Variants in RIMS1 observed in about 807,000 individuals in gnomAD.
RIMS1 encodes the protein regulating synaptic membrane exocytosis 1, also known as regulating synaptic membrane exocytosis protein 1.
RIMS1 carries 83 observed loss-of-function variants against 214.1 expected under a neutral mutation model. The observed-to-expected ratio is 0.39, with a 90% CI of 0.32 to 0.47. The LOEUF (loss-of-function observed/expected upper bound fraction) is 0.47, where lower values mean the gene tolerates loss of function less well. Among genes scored for constraint, RIMS1 ranks in the 20% least tolerant of loss-of-function variants. The pLI is 0.99. For synonymous variants in RIMS1, 793 were observed against 786.8 expected (o/e 1.01, Z -0.13); for missense variants, 2,050 against 2,161.8 (o/e 0.95, Z 1.03).
chr6:71,915,683 C>T (rs1331141709), intron 1 of RIMS1, among the ~76,000 whole-genome samples: 3 of 152,074 alleles, frequency 2.0e-5, no homozygotes, highest in Admixed American at 6.6e-5. Context: ...ATTTATAACT[C>T]ATGTTATATA....
chr6:71,903,502 T>A (rs1774349463), intron 1 of RIMS1, among the ~76,000 whole-genome samples: 1 of 152,112 alleles, frequency 6.6e-6, no homozygotes, highest in Non-Finnish European at 1.5e-5. Flanking sequence ...AATTGACAAG[T>A]GGGATCTAAT....
At chr6:72,169,930 G>A (rs2046794259) in intron 4 of RIMS1, among the ~76,000 whole-genome samples, 1 of 152,018 alleles carries the variant, frequency 6.6e-6, no homozygotes, top group South Asian at 2.1e-4. Flanking sequence ...ACATATGTGA[G>A]ATGACTTCTC....
chr6:71,984,458 AACCAC>A (rs1187972071), intron 2 of RIMS1, among the ~76,000 whole-genome samples: 1 of 151,870 alleles, frequency 6.6e-6, no homozygotes, highest in East Asian at 2.0e-4. Context: ...AAAATGTAGA[AACCAC>A]AGTGTTACTA....
intron 4 of RIMS1, among the ~76,000 whole-genome samples, chr6:72,170,623 T>G (rs1347596434): frequency 1.1e-4 from 17 of 152,132 alleles, no homozygotes; most frequent in Admixed American, 6.6e-4. Context: ...GATGAGCCAC[T>G]GCACCCAGCC....
At chr6:72,280,205 A>G (rs2089371141) in intron 23 of RIMS1, among the ~76,000 whole-genome samples, 1 of 152,010 alleles carries the variant, frequency 6.6e-6, no homozygotes, top group South Asian at 2.1e-4. Context: ...ACCATATGCT[A>G]GGTGTTGATA....
intron 6 of RIMS1, among the ~76,000 whole-genome samples, chr6:72,186,700 A>C (rs975631549): frequency 3.3e-5 from 5 of 152,114 alleles, no homozygotes; most frequent in Non-Finnish European, 7.3e-5. Flanking sequence ...CAAATTGCAT[A>C]ATAAATTATA....
intron 22 of RIMS1, among the ~76,000 whole-genome samples, chr6:72,267,401 A>G (rs2081089077): frequency 6.6e-6 from 1 of 152,172 alleles, no homozygotes; most frequent in South Asian, 2.1e-4. Flanking sequence ...TACCCATATC[A>G]GTGCCATCTG....
rs889544644 is a variant in RIMS1, at chr6:72,402,413, T to C, written c.*1699T>C. The C allele has an allele frequency of 6.6e-6, 1 of 152,652 alleles. No homozygotes were observed. Among genetic ancestry groups the C allele is most frequent in the Non-Finnish European group, 1.5e-5 (1 of 68,028 alleles). 9.5% of individuals were successfully genotyped at this position (152,652 alleles called of 1,614,324 possible). A position where few individuals can be genotyped will look rare whatever the true frequency, so the allele number is the denominator to read the frequency against. On this transcript the variant is annotated 3_prime_UTR_variant, in exon 34 of 34. Transcript: ENST00000521978. ...TTACCCTCCGGAAAACGTGATGTAG[T>C]ACGGACCAAATTCCTTCTAATAAAT...
At chr6:72,033,870 A>G (rs1459153396) in intron 2 of RIMS1, among the ~76,000 whole-genome samples, 1 of 152,028 alleles carries the variant, frequency 6.6e-6, no homozygotes, top group Non-Finnish European at 1.5e-5. Context: ...TTAAAGAACA[A>G]CTCTGAGAGG....
At chr6:72,278,522 T>C (rs1006335928) in intron 23 of RIMS1, among the ~76,000 whole-genome samples, 1 of 152,092 alleles carries the variant, frequency 6.6e-6, no homozygotes, top group African/African-American at 2.4e-5. Context: ...ATCACAAACT[T>C]TTTGCTTCCA....
chr6:72,024,936 C>T, intron 2 of RIMS1, among the ~76,000 whole-genome samples: 1 of 114,392 alleles, frequency 8.7e-6, no homozygotes, highest in Non-Finnish European at 1.7e-5. Flanking sequence ...GGCAGAGTCT[C>T]TCTGTTGCCC....
At chr6:72,040,628 T>C (rs1345179141) in intron 2 of RIMS1, among the ~76,000 whole-genome samples, 1 of 151,888 alleles carries the variant, frequency 6.6e-6, no homozygotes, top group Non-Finnish European at 1.5e-5. Context: ...TAAGTAGTTT[T>C]AGGATGAGAT....
At chr6:72,275,156 A>G (rs1591576207) in intron 23 of RIMS1, among the ~76,000 whole-genome samples, 4 of 36,532 alleles carry the variant, frequency 1.1e-4, no homozygotes, top group Non-Finnish European at 1.5e-4. Context: ...ATATATATAT[A>G]TATATATATA....
At chr6:72,320,971 T>C (rs1183252814) in intron 28 of RIMS1, among the ~76,000 whole-genome samples, 3 of 152,072 alleles carry the variant, frequency 2.0e-5, no homozygotes, top group African/African-American at 7.2e-5. Context: ...TTACTCATTT[T>C]AACATATGAT....
chr6:72,302,762 A>G (rs1461491825), intron 26 of RIMS1, among the ~76,000 whole-genome samples: 1 of 151,640 alleles, frequency 6.6e-6, no homozygotes, highest in African/African-American at 2.4e-5. Flanking sequence ...TCCAGGTGTT[A>G]TTGTGTGTCA....
rs116694869 is a variant in RIMS1 at position 72,396,604 on chromosome 6, G to A, written c.4619-1645G>A. Among the ~76,000 whole-genome samples the A allele has an allele frequency of 3.6e-3, 546 of 152,156 alleles. 5 individuals carry two copies. Among genetic ancestry groups the A allele is most frequent in the African/African-American group, 0.013 (529 of 41,480 alleles). On this transcript the variant is annotated intron_variant, in intron 31 of 33. Transcript: ENST00000521978. ...TAAATAAATATGACATTCATGTAAT[G>A]GAATATTATAGAGAAATTAAAGGGA...
intron 6 of RIMS1, among the ~76,000 whole-genome samples, chr6:72,211,015 A>G (rs1038168542): frequency 6.6e-6 from 1 of 152,200 alleles, no homozygotes; most frequent in African/African-American, 2.4e-5. Flanking sequence ...ATTAATGTGC[A>G]TTGGGTTTAG....
At chr6:72,222,464 G>A (rs1168817131) in intron 6 of RIMS1, among the ~76,000 whole-genome samples, 1 of 152,070 alleles carries the variant, frequency 6.6e-6, no homozygotes, top group Non-Finnish European at 1.5e-5. Context: ...ATTATTTACA[G>A]TGCATTTAAT....
Position 72,396,588 on chromosome 6 carries a change from A to C in RIMS1, c.4619-1661A>C, listed in dbSNP as rs145684362. On this transcript the variant is annotated intron_variant, in intron 31 of 33. Coordinates refer to ENST00000521978, the MANE Select transcript of RIMS1 (RefSeq NM_014989.7). ...CTAATTGGAGAGTAGATAAATAAAT[A>C]TGACATTCATGTAATGGAATATTAT... Among the ~76,000 whole-genome samples, 376 of 152,372 alleles carry C rather than the reference A, an allele frequency of 2.5e-3. 2 individuals carry two copies. The highest frequency in any genetic ancestry group is 8.3e-3 in the African/African-American group (347 of 41,582).
Sources: allele counts gnomAD v4.1 joint callset (sites outside exome capture counted in the v4.1 genomes callset), GRCh38; gene constraint gnomAD v4.1.1; transcripts MANE v1.5; gene names NCBI Gene and HGNC (gene_info 2026-07-23, HGNC 2026-07-21).